The following PAX8 variants were observed in gnomAD, a reference collection of about 807,000 sequenced individuals.
PAX8 encodes paired box 8, also known as paired box protein Pax-8.
In PAX8, 15 loss-of-function variants were observed where a neutral mutation model predicts 52.4. That is an observed-to-expected ratio of 0.29 (90% confidence interval 0.19 to 0.44). PAX8 has a LOEUF of 0.44. Among genes scored for constraint, PAX8 ranks in the 20% least tolerant of loss-of-function variants. PAX8 has a pLI of 1.00. For synonymous variants in PAX8, 284 were observed against 249.7 expected, an observed-to-expected ratio of 1.14 and a Z score of -1.29; for missense variants, 554 against 602.5, an observed-to-expected ratio of 0.92 and a Z score of 0.84.
chr2:113,237,710 T>G (rs1478510556), intron 7 of PAX8: 2 of 152,174 alleles, frequency 1.3e-5, no homozygotes, highest in Non-Finnish European at 2.9e-5. Flanking sequence ...CACCATGGCC[T>G]CCTTCCACTG....
intron 2 of PAX8, among the ~76,000 whole-genome samples, chr2:113,256,748 A>G (rs1692295200): frequency 6.6e-6 from 1 of 151,906 alleles, no homozygotes; most frequent in Non-Finnish European, 1.5e-5. Context: ...GTATTCATTT[A>G]TTTCCATTCC....
intron 10 of PAX8, 194 bp from the exon 11 acceptor site, chr2:113,220,372 T>C: frequency 1.7e-6 from 1 of 588,474 alleles, no homozygotes; most frequent in East Asian, 2.8e-5. Flanking sequence ...TCTGGAAAAT[T>C]TGGGGCAGTG....
intron 2 of PAX8, chr2:113,265,655 T>G (rs1692999684): frequency 6.6e-6 from 1 of 152,192 alleles, no homozygotes; most frequent in Non-Finnish European, 1.5e-5. Context: ...CTTTGCTTTC[T>G]CTCTGTGATT....
intron 3 of PAX8, 129 bp from the exon 4 acceptor site, chr2:113,244,753 G>GGCTGGTCTCA: frequency 1.2e-6 from 1 of 863,638 alleles, no homozygotes; most frequent in South Asian, 1.4e-5. Context: ...GTGCCTCCAA[G>GGCTGGTCTCA]GCTGGTCTCA....
chr2:113,244,643 C>G lies in PAX8; in HGVS notation c.192-19G>C, dbSNP rs1371120162. The G allele has an allele frequency of 6.2e-7, 1 of 1,611,140 alleles. No homozygotes were observed. Among genetic ancestry groups the G allele is most frequent in the East Asian group, 2.2e-5 (1 of 44,856 alleles). ...GTAGTACCTACTCCAATAGAGAATC[C>G]CAAAGAATTACCCAATAAGCAGGTG... On this transcript the variant is annotated intron_variant, in intron 3 of 11. Coordinates refer to ENST00000429538, the MANE Select transcript of PAX8 (RefSeq NM_003466.4).
rs560295828 is a variant in PAX8 at position 113,251,720 on chromosome 2, T to C, written c.26-4801A>G. Among the ~76,000 whole-genome samples the C allele has an allele frequency of 2.6e-5, 4 of 152,296 alleles. No individual in the cohort carries two copies. In the East Asian group the frequency reaches 7.7e-4, roughly 29 times the overall value. ...TCATCCTTTATAGAGCTCTGAGTAG[T>C]TGGGATGGCAGAAAGAAAACAGAGA... is the stretch of plus-strand genomic sequence containing the variant. On this transcript the variant is annotated intron_variant, in intron 2 of 11. Coordinates refer to ENST00000429538, the MANE Select transcript of PAX8 (RefSeq NM_003466.4).
chr2:113,242,804 G>A (rs1216708142), intron 4 of PAX8, 26 bp from the exon 5 acceptor site: 1 of 1,571,836 alleles, frequency 6.4e-7, no homozygotes, highest in Non-Finnish European at 8.8e-7. Flanking sequence ...GAAAGGCCAT[G>A]AGAGAGAAGA....
rs962614598 is a variant in PAX8 at position 113,236,511 on chromosome 2, A to G, written c.898+90T>C. 2.3e-5 allele frequency: 33 copies of G among 1,434,592 alleles called. 1 individual carries two copies. The highest frequency in any genetic ancestry group is 5.7e-5 in the African/African-American group (4 of 70,466). The allele number at this position is 1,434,592 out of a possible 1,614,324, so 88.9% of individuals were successfully genotyped here. On this transcript the variant is annotated intron_variant, in intron 8 of 11. Transcript: ENST00000429538. ...CCGGCACAGCCCGCCTCTCCTCTCC[A>G]GGCCAGGGCCCCACACCTTCCGCCT...
intron 2 of PAX8, 90 bp from the exon 3 acceptor site, chr2:113,247,009 G>T: frequency 8.2e-7 from 1 of 1,226,174 alleles, no homozygotes; most frequent in Non-Finnish European, 1.2e-6. Context: ...TGGTGTGTGT[G>T]TGTGTGTTTG....
At chr2:113,248,780 GAAACCCCATCTCTACTAAAA>G (rs1691527642) in intron 2 of PAX8, among the ~76,000 whole-genome samples, 1 of 151,386 alleles carries the variant, frequency 6.6e-6, no homozygotes, top group African/African-American at 2.4e-5. Flanking sequence ...CCAACATGGT[GAAACCCCATCTCTACTAAAA>G]GTACAAAAAA....
Position 113,235,498 on chromosome 2 carries a change from G to A in PAX8, c.983C>T (p.Ala328Val), listed in dbSNP as rs1166421198. The change falls in exon 9 of 12, where the codon GCC (alanine) becomes GTC (valine). Residue 328 changes from alanine to valine, a missense_variant. Transcript: ENST00000429538. ...GCCGACTTGCTGCAGATCCAAAAAG[G>A]CGGAGCTAGATAAAGAGGAAGGGGT... ...SSTPSSLSSS[A>V]FLDLQQVGSG... is the part of the protein sequence containing the mutation. 1 of 1,613,956 alleles carries A rather than the reference G, an allele frequency of 6.2e-7. No individual in the cohort carries two copies. The highest frequency in any genetic ancestry group is 1.1e-5 in the South Asian group (1 of 91,072).
intron 2 of PAX8, among the ~76,000 whole-genome samples, chr2:113,248,928 TG>T (rs374293233): frequency 1.0e-3 from 157 of 152,118 alleles, no homozygotes; most frequent in African/African-American, 3.4e-3. Context: ...ATCGCATCAT[TG>T]CACTCCAGCC....
At chr2:113,269,045 A>C (rs566221069) in intron 2 of PAX8, 8 of 152,414 alleles carry the variant, frequency 5.2e-5, no homozygotes, top group African/African-American at 1.9e-4. Flanking sequence ...AAGGTCCCCA[A>C]GGCTCGAAGG....
intron 7 of PAX8, chr2:113,240,090 T>A (rs1690691097): frequency 6.6e-6 from 1 of 152,272 alleles, no homozygotes. Flanking sequence ...GCAGGGTTTC[T>A]TTACTTTCAC....
intron 7 of PAX8, chr2:113,238,543 A>G (rs1690555399): frequency 6.6e-6 from 1 of 152,394 alleles, no homozygotes; most frequent in African/African-American, 2.4e-5. Context: ...CTATATAGTC[A>G]AATCTTTTGG....
intron 10 of PAX8, 117 bp downstream of exon 10, chr2:113,227,038 C>T: frequency 6.5e-7 from 1 of 1,534,472 alleles, no homozygotes; most frequent in East Asian, 2.4e-5. Flanking sequence ...GTCCATCCTT[C>T]AATGCCCTTT....
At chr2:113,229,042 T>C (rs1442612541) in intron 9 of PAX8, among the ~76,000 whole-genome samples, 1 of 152,206 alleles carries the variant, frequency 6.6e-6, no homozygotes, top group Non-Finnish European at 1.5e-5. Context: ...GGATGCTAAA[T>C]TAGCAAGGCC....
intron 5 of PAX8, 133 bp from the exon 6 acceptor site, chr2:113,242,263 C>T (rs905747814): frequency 2.8e-6 from 2 of 705,234 alleles, no homozygotes; most frequent in Admixed American, 2.3e-5. Context: ...AGGGGTGGGA[C>T]ACCCCTTACA....
At position 113,224,836 on chromosome 2, in the gene PAX8, AAATATAAAAT is replaced by A. The variant is rs1409293148; in HGVS notation, c.1189+2309_1189+2318del. Among the ~76,000 whole-genome samples, 287 of 138,258 alleles carry A rather than the reference AAATATAAAAT, an allele frequency of 2.1e-3. 6 individuals are homozygous for A. The highest frequency in any genetic ancestry group is 7.6e-3 in the African/African-American group (272 of 35,724). 90.7% of individuals were successfully genotyped at this position (138,258 alleles called of 152,430 possible). ...TAAAATAAAAAAATAAAATAAAATA[AAATATAAAAT>A]AAAATAAAATAAAATAAAATAAAAT... On this transcript the variant is annotated intron_variant, in intron 10 of 11. Transcript: ENST00000429538.
Sources: allele counts gnomAD v4.1 joint callset (sites outside exome capture counted in the v4.1 genomes callset), GRCh38; gene constraint gnomAD v4.1.1; transcripts MANE v1.5; gene names NCBI Gene and HGNC (gene_info 2026-07-23, HGNC 2026-07-21).